The following BPIFB1 variants were observed in gnomAD, a reference collection of about 807,000 sequenced individuals.
BPIFB1 encodes BPI fold containing family B member 1, also known as BPI fold-containing family B member 1.
Under a neutral mutation model 55.1 loss-of-function variants are expected in BPIFB1, and 34 were observed. The observed-to-expected ratio is 0.62, with a 90% CI of 0.47 to 0.82. BPIFB1 has a LOEUF of 0.82. BPIFB1 is among the 40% of genes least tolerant of loss of function. The pLI is 0.00. For synonymous variants in BPIFB1, 236 were observed against 245.3 expected, an observed-to-expected ratio of 0.96 and a Z score of 0.35; for missense variants, 532 against 593.1, an observed-to-expected ratio of 0.90 and a Z score of 1.07.
Position 33,295,685 on chromosome 20 carries a change from A to AG in BPIFB1, c.598-1840_598-1839insG. On this transcript the variant is annotated intron_variant, in intron 6 of 15. Transcript: ENST00000253354. The stretch of plus-strand genomic sequence containing the variant: ...GAGAGAAAGAAAGAAAGAAAGAGAG[A>AG]AAAAAAGGGAGAAAAGGAAGCAAGG... Among the ~76,000 whole-genome samples the AG allele has an allele frequency of 4.6e-5, 7 of 150,998 alleles. 1 individual carries two copies. Among genetic ancestry groups the AG allele is most frequent in the African/African-American group, 1.7e-4 (7 of 41,018 alleles).
At chr20:33,285,771 T>A (rs1053158803) in intron 1 of BPIFB1, among the ~76,000 whole-genome samples, 1 of 152,002 alleles carries the variant, frequency 6.6e-6, no homozygotes, top group Non-Finnish European at 1.5e-5. Context: ...GCTTACCATG[T>A]GAAAGACACC....
chr20:33,288,684 C>T (rs1375552007), intron 2 of BPIFB1, 57 bp from the exon 3 acceptor site: 1 of 1,588,640 alleles, frequency 6.3e-7, no homozygotes, highest in East Asian at 2.2e-5. Context: ...GGAGCTCCCA[C>T]CAAGCCTTCC....
chr20:33,302,628 G>A, intron 10 of BPIFB1: 1 of 654,298 alleles, frequency 1.5e-6, no homozygotes, highest in Non-Finnish European at 2.7e-6. Context: ...CAGTAACACA[G>A]GACAGGTTCT....
chr20:33,292,138 A>AGTGGG, intron 6 of BPIFB1, 150 bp downstream of exon 6: 1 of 752,442 alleles, frequency 1.3e-6, no homozygotes, highest in South Asian at 1.7e-5. Context: ...AGAGTCATGG[A>AGTGGG]GTGGGGTGGG....
chr20:33,288,770 G>A lies in BPIFB1; in HGVS notation c.145G>A (p.Ala49Thr), dbSNP rs767225361. Residue 49 changes from alanine to threonine, a missense_variant, in exon 3 of 16, where the codon GCC becomes ACC. Physicochemically the swap from Ala to Thr is moderately conservative, Grantham distance 58. Coordinates refer to ENST00000253354, the MANE Select transcript of BPIFB1 (RefSeq NM_033197.3). Reference protein sequence around the residue: ...KLTQELKDHNATSILQQLPLL... With the variant: ...KLTQELKDHNTTSILQQLPLL... ...GACACAGGAGCTGAAGGACCACAAC[G>A]CCACCAGCATCCTGCAGCAGCTGCC... 12 of 1,613,764 alleles carry A rather than the reference G, an allele frequency of 7.4e-6. No individual in the cohort carries two copies. The highest frequency in any genetic ancestry group is 1.0e-5 in the Non-Finnish European group (12 of 1,180,024).
chr20:33,299,248 C>A, intron 7 of BPIFB1: 1 of 446,258 alleles, frequency 2.2e-6, no homozygotes, highest in Non-Finnish European at 4.6e-6. Flanking sequence ...GGTCCCTGGC[C>A]CTCCAGCACT....
At chr20:33,286,425 C>T (rs1274984374) in intron 2 of BPIFB1, among the ~76,000 whole-genome samples, 1 of 152,228 alleles carries the variant, frequency 6.6e-6, no homozygotes, top group Non-Finnish European at 1.5e-5. Context: ...TTTCCACAGC[C>T]TGCAGAAGGG....
At chr20:33,289,072 A>T (rs1980365202) in intron 3 of BPIFB1, among the ~76,000 whole-genome samples, 190 bp downstream of exon 3, 1 of 152,198 alleles carries the variant, frequency 6.6e-6, no homozygotes, top group Admixed American at 6.5e-5. Context: ...GTGACACAGG[A>T]ACCCTAATAC....
chr20:33,305,198 G>A (rs867412725), intron 13 of BPIFB1, among the ~76,000 whole-genome samples: 11 of 152,168 alleles, frequency 7.2e-5, no homozygotes. Flanking sequence ...TTCTGCACAC[G>A]TAGACGCGCC....
At chr20:33,293,841 A>T (rs1280885636) in intron 6 of BPIFB1, among the ~76,000 whole-genome samples, 1 of 148,426 alleles carries the variant, frequency 6.7e-6, no homozygotes, top group East Asian at 1.9e-4. Context: ...ACTCTGTCTC[A>T]AAAACTAAAT....
At chr20:33,307,733 G>T (rs544209684) in intron 15 of BPIFB1, 1 of 152,386 alleles carries the variant, frequency 6.6e-6, no homozygotes, top group Non-Finnish European at 1.5e-5. Flanking sequence ...GGCCGACATG[G>T]CAAAACCCAG....
At chr20:33,288,003 T>C (rs1241480209) in intron 2 of BPIFB1, among the ~76,000 whole-genome samples, 2 of 152,140 alleles carry the variant, frequency 1.3e-5, no homozygotes, top group Non-Finnish European at 2.9e-5. Context: ...AGTGGGTGGA[T>C]TTGCAGCTGA....
intron 15 of BPIFB1, among the ~76,000 whole-genome samples, chr20:33,308,428 A>T (rs1164752517): frequency 6.6e-6 from 1 of 151,930 alleles, no homozygotes; most frequent in Admixed American, 6.6e-5. Flanking sequence ...TAGGCCTGAG[A>T]TGCATGCATG....
At chr20:33,308,982 C>G (rs2146538146) in intron 15 of BPIFB1, among the ~76,000 whole-genome samples, 1 of 151,914 alleles carries the variant, frequency 6.6e-6, no homozygotes, top group Admixed American at 6.6e-5. Flanking sequence ...CACACACACA[C>G]ACACACCATG....
At chr20:33,304,126 G>A (rs1341299151) in intron 12 of BPIFB1, 101 bp downstream of exon 12, 9 of 1,050,248 alleles carry the variant, frequency 8.6e-6, no homozygotes, top group East Asian at 2.4e-5. Context: ...GTCAGGTGAA[G>A]GCGGCTCCAG....
intron 6 of BPIFB1, among the ~76,000 whole-genome samples, chr20:33,296,429 G>C (rs748494130): frequency 5.3e-5 from 8 of 152,168 alleles, no homozygotes; most frequent in Non-Finnish European, 1.0e-4. Context: ...TGGTCAACAA[G>C]ACAAAAATGT....
chr20:33,307,679 C>T (rs1408078260), intron 15 of BPIFB1: 1 of 152,378 alleles, frequency 6.6e-6, no homozygotes, highest in Admixed American at 6.5e-5. Context: ...TTTGGGAGGC[C>T]AAGGTGGGCA....
chr20:33,292,069 GTGAC>G, intron 6 of BPIFB1, 81 bp downstream of exon 6: 1 of 1,248,816 alleles, frequency 8.0e-7, no homozygotes, highest in Non-Finnish European at 1.2e-6. Flanking sequence ...TTGGTGCTAA[GTGAC>G]TGGAGTCTCC....
chr20:33,293,993 T>A (rs1248955295), intron 6 of BPIFB1, among the ~76,000 whole-genome samples: 1 of 152,238 alleles, frequency 6.6e-6, no homozygotes, highest in Admixed American at 6.5e-5. Context: ...ATCTCCATTT[T>A]GTGAAATATA....
Sources: gnomAD v4.1 joint callset for allele counts (sites outside exome capture counted in the v4.1 genomes callset) on GRCh38, gnomAD v4.1.1 for gene constraint, MANE v1.5 for transcripts, NCBI Gene and HGNC (gene_info 2026-07-23, HGNC 2026-07-21) for gene names.